IFT43: variants seen among roughly 807,000 people sequenced by gnomAD.
IFT43 encodes intraflagellar transport protein 43 homolog.
Under a neutral mutation model 32.3 loss-of-function variants are expected in IFT43, and 33 were observed. The observed-to-expected ratio is 1.02, with a 90% confidence interval of 0.77 to 1.37. The LOEUF is 1.37. IFT43 is among the 40% of genes most tolerant of loss of function. IFT43 has a pLI of 0.00. For missense variants in IFT43, 274 were observed against 265.9 expected, an observed-to-expected ratio of 1.03 and a Z score of -0.21; for synonymous variants, 93 against 98.2, an observed-to-expected ratio of 0.95 and a Z score of 0.31.
At chr14:76,069,605 A>G (rs1251025541) in intron 5 of IFT43, among the ~76,000 whole-genome samples, 1 of 152,248 alleles carries the variant, frequency 6.6e-6, no homozygotes, top group Non-Finnish European at 1.5e-5. Context: ...AAGAATGTTC[A>G]GGTGGAATAA....
At chr14:76,066,566 G>T (rs988133574) in intron 5 of IFT43, among the ~76,000 whole-genome samples, 1 of 152,212 alleles carries the variant, frequency 6.6e-6, no homozygotes, top group East Asian at 1.9e-4. Flanking sequence ...GCTAGTGAAG[G>T]CTGCTCCTTT....
At chr14:76,055,961 A>G (rs138558945) in intron 3 of IFT43, among the ~76,000 whole-genome samples, 147 of 152,330 alleles carry the variant, frequency 9.7e-4, no homozygotes, top group African/African-American at 3.2e-3. Flanking sequence ...GGGGGAGCTC[A>G]GGTTCATCCA....
At chr14:76,021,322 A>C (rs938322440) in intron 2 of IFT43, among the ~76,000 whole-genome samples, 1 of 152,098 alleles carries the variant, frequency 6.6e-6, no homozygotes, top group African/African-American at 2.4e-5. Context: ...AATTTAGTTT[A>C]TCTCTTCTAA....
chr14:76,076,798 A>C, intron 5 of IFT43: 1 of 1,368,524 alleles, frequency 7.3e-7, no homozygotes. Flanking sequence ...TCCGTAATGA[A>C]TGTATTTCAG....
At chr14:76,059,010 T>C (rs2140052412) in intron 4 of IFT43, 3 of 1,425,702 alleles carry the variant, frequency 2.1e-6, no homozygotes, top group South Asian at 1.5e-5. Context: ...ATAAGACTTA[T>C]ATCAGAAAAG....
intron 4 of IFT43, chr14:76,059,098 A>G: frequency 1.4e-6 from 2 of 1,446,570 alleles, no homozygotes; most frequent in South Asian, 2.9e-5. Context: ...AGCTGCATTC[A>G]TGTCATAGCC....
chr14:76,065,784 A>G (rs951497947), intron 5 of IFT43, among the ~76,000 whole-genome samples: 6 of 152,098 alleles, frequency 3.9e-5, no homozygotes, highest in Non-Finnish European at 8.8e-5. Context: ...CATTTAATTT[A>G]TTATTTATTT....
At chr14:75,999,740 CG>C (rs1388293991) in intron 2 of IFT43, among the ~76,000 whole-genome samples, 3 of 152,136 alleles carry the variant, frequency 2.0e-5, no homozygotes, top group Non-Finnish European at 2.9e-5. Context: ...CCATTTCTGG[CG>C]GCCTGCAAAG....
chr14:76,063,360 C>G (rs1021044490), intron 5 of IFT43, among the ~76,000 whole-genome samples: 2 of 152,248 alleles, frequency 1.3e-5, no homozygotes, highest in African/African-American at 4.8e-5. Context: ...AGTATCCAGT[C>G]GGTCTGGACT....
At chr14:76,035,262 C>A (rs1374084194) in intron 3 of IFT43, among the ~76,000 whole-genome samples, 1 of 152,148 alleles carries the variant, frequency 6.6e-6, no homozygotes, top group Non-Finnish European at 1.5e-5. Context: ...TCTAACAACT[C>A]CTCCTGACAA....
At chr14:76,022,487 A>G in intron 3 of IFT43, 93 bp downstream of exon 3, 1 of 746,926 alleles carries the variant, frequency 1.3e-6, no homozygotes. Flanking sequence ...CAATAGCTTT[A>G]TTGAGAAAAA....
intron 3 of IFT43, among the ~76,000 whole-genome samples, chr14:76,034,965 G>T (rs1455329001): frequency 6.6e-6 from 1 of 152,238 alleles, no homozygotes; most frequent in African/African-American, 2.4e-5. Flanking sequence ...ACTTGGTAAA[G>T]AGAGGAAGGA....
At chr14:75,991,423 G>GTGTGTGTA (rs1248984461) in intron 2 of IFT43, among the ~76,000 whole-genome samples, 1 of 139,886 alleles carries the variant, frequency 7.1e-6, no homozygotes. Flanking sequence ...GTGTGTGTGT[G>GTGTGTGTA]TGTATGTATG....
chr14:76,080,009 T>TG (rs1323762480), intron 5 of IFT43, among the ~76,000 whole-genome samples: 3 of 152,178 alleles, frequency 2.0e-5, no homozygotes, highest in Non-Finnish European at 4.4e-5. Flanking sequence ...CATGAGCACT[T>TG]GCCTGTGATT....
intron 5 of IFT43, chr14:76,076,617 A>G: frequency 6.2e-7 from 1 of 1,614,202 alleles, no homozygotes; most frequent in Non-Finnish European, 8.5e-7. Flanking sequence ...ACAGGCAAAC[A>G]ACAGCTGGAT....
At chr14:76,030,727 T>G (rs1459561189) in intron 3 of IFT43, among the ~76,000 whole-genome samples, 1 of 152,200 alleles carries the variant, frequency 6.6e-6, no homozygotes, top group Non-Finnish European at 1.5e-5. Flanking sequence ...TTATTTGAAT[T>G]ATTTCTCATA....
intron 1 of IFT43, chr14:75,986,124 A>G (rs2035520316): frequency 4.3e-6 from 6 of 1,406,196 alleles, no homozygotes; most frequent in Non-Finnish European, 5.6e-6. Flanking sequence ...TCCGTTTTCT[A>G]GAGCCCCGAG....
intron 5 of IFT43, among the ~76,000 whole-genome samples, chr14:76,066,442 C>T (rs1362802161): frequency 2.6e-5 from 4 of 152,196 alleles, no homozygotes; most frequent in South Asian, 4.1e-4. Context: ...ACTTCACACT[C>T]GACTTAGTCC....
At chr14:76,029,562 T>C (rs1343237161) in intron 3 of IFT43, among the ~76,000 whole-genome samples, 2 of 152,346 alleles carry the variant, frequency 1.3e-5, no homozygotes, top group African/African-American at 4.8e-5. Context: ...GGATATTTCC[T>C]AGGCTTTCTT....
Sources: gnomAD v4.1 joint callset for allele counts (sites outside exome capture counted in the v4.1 genomes callset) on GRCh38, gnomAD v4.1.1 for gene constraint, MANE v1.5 for transcripts, NCBI Gene and HGNC (gene_info 2026-07-23, HGNC 2026-07-21) for gene names.